Variants in FANCM observed in about 807,000 individuals in gnomAD.
FANCM encodes the protein FA complementation group M, also known as Fanconi anemia group M protein.
FANCM carries 140 observed loss-of-function variants against 199.5 expected under a neutral mutation model. The ratio of observed to expected loss-of-function variants is 0.70; its 90% CI spans 0.61 to 0.81. FANCM has a LOEUF of 0.81. FANCM is among the 30% of genes least tolerant of loss of function. FANCM has a pLI of 0.00. For missense variants in FANCM, 2,410 were observed against 2,421.4 expected (o/e 1.00, Z 0.10); for synonymous variants, 840 against 836.8 (o/e 1.00, Z -0.07).
intron 3 of FANCM, among the ~76,000 whole-genome samples, chr14:45,148,311 G>A (rs1370344966): frequency 1.3e-5 from 2 of 151,042 alleles, no homozygotes. Context: ...CGCACTGTCA[G>A]TACCATAGTC....
chr14:45,179,881 A>G (rs1463654583), intron 14 of FANCM, among the ~76,000 whole-genome samples: 2 of 151,992 alleles, frequency 1.3e-5, no homozygotes, highest in Non-Finnish European at 2.9e-5. Flanking sequence ...TTTCGTGCTA[A>G]CTGCAATGAT....
intron 4 of FANCM, among the ~76,000 whole-genome samples, chr14:45,149,322 A>G (rs1372771305): frequency 2.0e-5 from 3 of 152,166 alleles, no homozygotes; most frequent in Non-Finnish European, 4.4e-5. Flanking sequence ...CAGCAAAAGT[A>G]GACAAAGCAT....
intron 9 of FANCM, among the ~76,000 whole-genome samples, chr14:45,160,788 G>C (rs557664719): frequency 2.0e-5 from 3 of 151,968 alleles, no homozygotes; most frequent in Non-Finnish European, 4.4e-5. Flanking sequence ...TGATCCGCCC[G>C]CCTCGGCCTC....
Position 45,136,506 on chromosome 14 carries a change from G to T in FANCM, c.475G>T (p.Gly159Cys). 6.2e-7 allele frequency: 1 copy of T among 1,614,056 alleles called. No homozygotes were observed. Among genetic ancestry groups the T allele is most frequent in the East Asian group, 2.2e-5 (1 of 44,886 alleles). The change falls in exon 1 of 23, where the codon GGT (glycine) becomes TGT (cysteine). Residue 159 changes from glycine to cysteine, a missense_variant. Coordinates refer to ENST00000267430, the MANE Select transcript of FANCM (RefSeq NM_020937.4). ...GATCGAGGCTTGCTACCAGGTGATG[G>T]GTATCCCGCAATCCCACATGGCCGA... ...QQIEACYQVM[G>C]IPQSHMAEMT...
chr14:45,181,297 T>C (rs1161036274), intron 14 of FANCM, 133 bp from the exon 15 acceptor site: 15 of 616,260 alleles, frequency 2.4e-5, no homozygotes, highest in Non-Finnish European at 4.0e-5. Context: ...TCCAAGACTA[T>C]CTTTTTTTGA....
chr14:45,175,588 G>C lies in FANCM; in HGVS notation c.2834G>C (p.Gly945Ala), dbSNP rs1193165722. Reference sequence around the variant, plus strand: ...CTTGCTGGAAATGTTTTAGATTCTGGTTATAACAGTTTCAATGATGAAAAA... The same window carrying C: ...CTTGCTGGAAATGTTTTAGATTCTGCTTATAACAGTTTCAATGATGAAAAA... Reference protein sequence around the residue: ...SSLAGNVLDSGYNSFNDEKSV... With the variant: ...SSLAGNVLDSAYNSFNDEKSV... The change falls in exon 14 of 23, where the codon GGT becomes GCT. Residue 945 changes from glycine to alanine, a missense_variant. Transcript: ENST00000267430. The C allele has an allele frequency of 1.2e-6, 2 of 1,613,532 alleles. No individual in the cohort carries two copies. The highest frequency in any genetic ancestry group is 1.7e-6 in the Non-Finnish European group (2 of 1,179,726).
chr14:45,174,837 G>A (rs923808554), intron 13 of FANCM, among the ~76,000 whole-genome samples: 6 of 151,796 alleles, frequency 4.0e-5, no homozygotes, highest in African/African-American at 7.3e-5. Flanking sequence ...GGGTCTTTTG[G>A]GTATTAAGTA....
Position 45,198,560 on chromosome 14 carries a change from G to GTCGAC in FANCM, c.5717-84_5717-83insTCGAC. ...AGTTTGCTCAATGGTGTAGATCTTG[G>GTCGAC]GATTTTAATAAAATAAAGTATATTA... On this transcript the variant is annotated intron_variant, in intron 21 of 22. Transcript: ENST00000267430. 5.5e-6 allele frequency: 5 copies of GTCGAC among 902,140 alleles called. No individual in the cohort carries two copies. In the South Asian group the frequency reaches 5.8e-5, roughly 11 times the overall value. The allele number at this position is 902,140 out of a possible 1,614,324, so 55.9% of individuals were successfully genotyped here. A position where few individuals can be genotyped will look rare whatever the true frequency, so the allele number is the denominator to read the frequency against.
chr14:45,167,162 T>C lies in FANCM; in HGVS notation c.2001T>C (p.Asp667=). The C allele has an allele frequency of 6.3e-7, 1 of 1,597,906 alleles. No individual in the cohort carries two copies. Among genetic ancestry groups the C allele is most frequent in the East Asian group, 2.2e-5 (1 of 44,794 alleles). ...QRKSSIFSYR[D]GMRQSSLKKD... The stretch of plus-strand genomic sequence containing the variant: ...AGTCATCTATCTTTTCCTATAGGGA[T>C]GGTAAATAAATTTTGCATTTGACAC... The change falls in exon 11 of 23, where the codon GAT becomes GAC. Residue 667 remains aspartate, a splice_region_variant and synonymous_variant. Coordinates refer to ENST00000267430, the MANE Select transcript of FANCM (RefSeq NM_020937.4).
chr14:45,142,189 CTGAATTT>C (rs1594757192), intron 3 of FANCM, among the ~76,000 whole-genome samples: 3 of 152,054 alleles, frequency 2.0e-5, no homozygotes, highest in Admixed American at 6.5e-5. Context: ...CAGATCTTGT[CTGAATTT>C]TGCCAGTTTT....
chr14:45,148,531 G>A lies in FANCM; in HGVS notation c.760-306G>A, dbSNP rs1268419233. The stretch of plus-strand genomic sequence containing the variant: ...AAATTTTTGTCTGAGTCTTTATAAA[G>A]ACTCTATTTGTAAAGTACCAAACTA... On this transcript the variant is annotated intron_variant, in intron 3 of 22. Transcript: ENST00000267430. Among the ~76,000 whole-genome samples, 3 of 151,990 alleles carry A rather than the reference G, an allele frequency of 2.0e-5. No individual in the cohort carries two copies. The East Asian group carries it at 5.8e-4, about 29-fold the overall frequency.
In FANCM at chr14:45,181,590, C is replaced by T. The variant is rs761737680; in HGVS notation, c.4318-47C>T. 3 of 1,542,570 alleles carry T rather than the reference C, an allele frequency of 1.9e-6. No homozygotes were observed. The Admixed American group carries it at 5.0e-5, about 26-fold the overall frequency. Reference sequence around the variant, plus strand: ...GGCTATTTTCCTTTTATACCTTGGGCTTCTGCTGAGACTTTTGTTGCCTTT... The same window carrying T: ...GGCTATTTTCCTTTTATACCTTGGGTTTCTGCTGAGACTTTTGTTGCCTTT... On this transcript the variant is annotated intron_variant, in intron 15 of 22. Transcript: ENST00000267430.
At chr14:45,198,595 CTTAATA>C in intron 21 of FANCM, 43 bp from the exon 22 acceptor site, 31 of 1,257,254 alleles carry the variant, frequency 2.5e-5, no homozygotes, top group Non-Finnish European at 3.3e-5. Flanking sequence ...AATAATTCTA[CTTAATA>C]TTAGTTACTG....
intron 8 of FANCM, among the ~76,000 whole-genome samples, chr14:45,158,022 C>T (rs1308784510): frequency 6.6e-6 from 1 of 152,044 alleles, no homozygotes; most frequent in Non-Finnish European, 1.5e-5. Context: ...CATGGCAAAA[C>T]CCCGTCTCTA....
intron 14 of FANCM, 97 bp downstream of exon 14, chr14:45,177,073 G>A (rs1888759437): frequency 1.4e-6 from 1 of 738,756 alleles, no homozygotes; most frequent in African/African-American, 1.8e-5. Context: ...TTAGTACATG[G>A]TACAATATAA....
intron 5 of FANCM, among the ~76,000 whole-genome samples, chr14:45,151,997 T>C (rs1425800513): frequency 6.6e-6 from 1 of 151,642 alleles, no homozygotes; most frequent in Non-Finnish European, 1.5e-5. Context: ...AATGTAATGA[T>C]TTGAATTAGG....
intron 2 of FANCM, among the ~76,000 whole-genome samples, chr14:45,139,913 A>G (rs1885789044): frequency 1.3e-5 from 2 of 152,280 alleles, no homozygotes; most frequent in South Asian, 4.1e-4. Flanking sequence ...TGAGCCCCAG[A>G]GGTTGAGGCT....
In FANCM at chr14:45,200,797, C is replaced by T. The variant is rs1343830001; in HGVS notation, c.*789C>T. ...GCCTACTGCCATGTGGAAAAGGAAA[C>T]GTTTGCTTCCCCTCCACCATGATTG... is the stretch of plus-strand genomic sequence containing the variant. On this transcript the variant is annotated 3_prime_UTR_variant, in exon 23 of 23. Transcript: ENST00000267430. The T allele has an allele frequency of 2.0e-5, 3 of 152,192 alleles. No homozygotes were observed. The highest frequency in any genetic ancestry group is 1.9e-4 in the East Asian group (1 of 5,186). The allele number at this position is 152,192 out of a possible 1,614,324, so 9.4% of individuals were successfully genotyped here.
intron 9 of FANCM, among the ~76,000 whole-genome samples, chr14:45,163,503 G>T (rs1440758147): frequency 6.6e-6 from 1 of 152,178 alleles, no homozygotes; most frequent in Non-Finnish European, 1.5e-5. Flanking sequence ...AAGTTTATAA[G>T]GCTTAAGGGA....
Sources: gnomAD v4.1 joint callset for allele counts (sites outside exome capture counted in the v4.1 genomes callset) on GRCh38, gnomAD v4.1.1 for gene constraint, MANE v1.5 for transcripts, NCBI Gene and HGNC (gene_info 2026-07-23, HGNC 2026-07-21) for gene names.